The following NRXN3 variants were observed in gnomAD, a reference collection of about 807,000 sequenced individuals.
NRXN3 encodes neurexin III.
NRXN3 carries 32 observed loss-of-function variants against 137.6 expected under a neutral mutation model. The observed-to-expected ratio is 0.23, with a 90% CI of 0.18 to 0.31. The LOEUF (loss-of-function observed/expected upper bound fraction) is 0.31, where lower values mean the gene tolerates loss of function less well. Among genes scored for constraint, NRXN3 ranks in the 10% least tolerant of loss-of-function variants. NRXN3 has a pLI of 1.00. For missense variants in NRXN3, 1,574 were observed against 2,062.5 expected (o/e 0.76, Z 4.59); for synonymous variants, 798 against 784.5 (o/e 1.02, Z -0.29).
At chr14:79,489,396 C>T (rs895501946) in intron 16 of NRXN3, among the ~76,000 whole-genome samples, 1 of 152,044 alleles carries the variant, frequency 6.6e-6, no homozygotes, top group African/African-American at 2.4e-5. Flanking sequence ...CAATGGCACA[C>T]CAATCCAGTC....
chr14:78,346,046 G>A (rs1364086462), intron 4 of NRXN3, among the ~76,000 whole-genome samples: 1 of 152,208 alleles, frequency 6.6e-6, no homozygotes, highest in Non-Finnish European at 1.5e-5. Flanking sequence ...GGGATGCTCA[G>A]GAGAGGGAAA....
At chr14:79,238,548 T>TAC (rs879385321) in intron 15 of NRXN3, among the ~76,000 whole-genome samples, 3 of 151,920 alleles carry the variant, frequency 2.0e-5, no homozygotes, top group Non-Finnish European at 4.4e-5. Context: ...TGTGATACAT[T>TAC]ACACACACAC....
intron 19 of NRXN3, among the ~76,000 whole-genome samples, chr14:79,734,932 T>C (rs1427234361): frequency 6.6e-6 from 1 of 152,192 alleles, no homozygotes; most frequent in Non-Finnish European, 1.5e-5. Flanking sequence ...AAAGCCTCAG[T>C]TGAAGAATTC....
chr14:78,634,296 G>C (rs1338531205), intron 4 of NRXN3, among the ~76,000 whole-genome samples: 3 of 152,214 alleles, frequency 2.0e-5, no homozygotes, highest in South Asian at 4.1e-4. Context: ...GATGGGGCAG[G>C]AGGAGGAATT....
At chr14:78,506,452 T>C (rs1043841773) in intron 4 of NRXN3, among the ~76,000 whole-genome samples, 4 of 152,112 alleles carry the variant, frequency 2.6e-5, no homozygotes, top group Admixed American at 1.3e-4. Context: ...GTGGGATTGC[T>C]GGATCATATG....
chr14:79,737,073 TGTTA>T (rs974282724), intron 19 of NRXN3, among the ~76,000 whole-genome samples: 11 of 152,236 alleles, frequency 7.2e-5, no homozygotes, highest in African/African-American at 2.7e-4. Context: ...ATTTTTTGTG[TGTTA>T]TTTAAAAGTT....
chr14:78,663,066 A>G (rs904120868), intron 6 of NRXN3, among the ~76,000 whole-genome samples: 1 of 152,192 alleles, frequency 6.6e-6, no homozygotes, highest in Admixed American at 6.5e-5. Context: ...GCTGGATTCT[A>G]TGATCATTAC....
At chr14:78,511,403 C>T (rs1409365006) in intron 4 of NRXN3, among the ~76,000 whole-genome samples, 1 of 152,076 alleles carries the variant, frequency 6.6e-6, no homozygotes, top group East Asian at 1.9e-4. Flanking sequence ...GCAGATGAAC[C>T]TTAACATCTC....
At chr14:78,774,014 AT>A (rs2098737256) in intron 8 of NRXN3, among the ~76,000 whole-genome samples, 1 of 152,130 alleles carries the variant, frequency 6.6e-6, no homozygotes, top group East Asian at 1.9e-4. Flanking sequence ...GTTGGCCAAG[AT>A]GGTCTCCATC....
chr14:78,719,264 A>G (rs1214853934), intron 8 of NRXN3, among the ~76,000 whole-genome samples: 3 of 152,224 alleles, frequency 2.0e-5, no homozygotes, highest in African/African-American at 7.2e-5. Flanking sequence ...TACAACATTT[A>G]TCTGACATAT....
At chr14:79,602,787 T>C (rs2097942301) in intron 16 of NRXN3, among the ~76,000 whole-genome samples, 1 of 152,154 alleles carries the variant, frequency 6.6e-6, no homozygotes, top group Admixed American at 6.5e-5. Context: ...CCATAGATAA[T>C]CTTATCTTTT....
At position 78,334,956 on chromosome 14, in the gene NRXN3, C is replaced by T. The variant is rs149729222; in HGVS notation, c.757+37096C>T. ...ACCCCAGGAGTTTGGACCAGAGAAT[C>T]GCTCTCCATGAAGGAAACAGGAATG... On this transcript the variant is annotated intron_variant, in intron 4 of 20. Transcript: ENST00000335750. Among the ~76,000 whole-genome samples the T allele has an allele frequency of 1.8e-3, 275 of 152,222 alleles. 2 individuals are homozygous for T. The highest frequency in any genetic ancestry group is 2.5e-3 in the Non-Finnish European group (167 of 68,008).
At chr14:79,212,871 T>C (rs1335877049) in intron 15 of NRXN3, among the ~76,000 whole-genome samples, 1 of 152,140 alleles carries the variant, frequency 6.6e-6, no homozygotes, top group Non-Finnish European at 1.5e-5. Context: ...GGAATGCTTT[T>C]TTTTTTTTAG....
intron 15 of NRXN3, among the ~76,000 whole-genome samples, chr14:79,136,434 T>C (rs1314600931): frequency 6.6e-6 from 1 of 152,220 alleles, no homozygotes; most frequent in Non-Finnish European, 1.5e-5. Context: ...ACCAACTTTA[T>C]ATACACTCAA....
In NRXN3 at chr14:78,763,470, A is replaced by G. The variant is rs548071099; in HGVS notation, c.2045-40150A>G. On this transcript the variant is annotated intron_variant, in intron 8 of 20. Coordinates refer to ENST00000335750, the MANE Select transcript of NRXN3 (RefSeq NM_001330195.2). ...ATTCTCAGAAAAATAAAAATACTAT[A>G]TATAATTATAAATATGATTCTAATT... Among the ~76,000 whole-genome samples, 5 of 151,574 alleles carry G rather than the reference A, an allele frequency of 3.3e-5. No individual in the cohort carries two copies. The East Asian group carries it at 9.7e-4, about 29-fold the overall frequency.
chr14:79,831,791 G>A (rs549727565), intron 20 of NRXN3, among the ~76,000 whole-genome samples: 4 of 152,114 alleles, frequency 2.6e-5, no homozygotes, highest in East Asian at 1.9e-4. Context: ...GCACTTTACC[G>A]TTTAAGATCA....
chr14:79,224,884 C>T (rs1356610723), intron 15 of NRXN3, among the ~76,000 whole-genome samples: 1 of 152,166 alleles, frequency 6.6e-6, no homozygotes, highest in Non-Finnish European at 1.5e-5. Context: ...AGACTATGGC[C>T]ATGCTCACAT....
intron 17 of NRXN3, among the ~76,000 whole-genome samples, chr14:79,680,828 C>T (rs771618210): frequency 2.4e-4 from 37 of 152,134 alleles, no homozygotes; most frequent in Non-Finnish European, 4.6e-4. Context: ...AGATCTTCCT[C>T]TCCACTCCTC....
chr14:79,463,482 AAAAG>A (rs529532256), intron 15 of NRXN3, among the ~76,000 whole-genome samples: 12 of 152,256 alleles, frequency 7.9e-5, no homozygotes, highest in African/African-American at 2.6e-4. Context: ...AGTTAAAAAA[AAAAG>A]AGTCATCCTT....
Sources: allele counts gnomAD v4.1 joint callset (sites outside exome capture counted in the v4.1 genomes callset), GRCh38; gene constraint gnomAD v4.1.1; transcripts MANE v1.5; gene names NCBI Gene and HGNC (gene_info 2026-07-23, HGNC 2026-07-21).